The following DLG2 variants were observed in gnomAD, a reference collection of about 807,000 sequenced individuals.
DLG2 encodes discs large MAGUK scaffold protein 2, also known as disks large homolog 2.
In DLG2, 45 loss-of-function variants were observed where a neutral mutation model predicts 132.5. That is an observed-to-expected ratio of 0.34 (90% CI 0.27 to 0.44). DLG2 has a LOEUF of 0.44. Ranked by LOEUF, DLG2 falls within the 20% of genes least tolerant of loss-of-function variation. The pLI is 1.00. For synonymous variants in DLG2, 424 were observed against 419.6 expected, an observed-to-expected ratio of 1.01 and a Z score of -0.13; for missense variants, 1,045 against 1,196.9, an observed-to-expected ratio of 0.87 and a Z score of 1.87.
chr11:83,942,008 C>T (rs1380943120), intron 14 of DLG2, among the ~76,000 whole-genome samples: 3 of 152,136 alleles, frequency 2.0e-5, no homozygotes, highest in Non-Finnish European at 2.9e-5. Context: ...ACCTACAGTT[C>T]AGAAATGTTA....
At chr11:83,843,835 GC>G (rs2058092767) in intron 16 of DLG2, among the ~76,000 whole-genome samples, 1 of 152,044 alleles carries the variant, frequency 6.6e-6, no homozygotes, top group Admixed American at 6.6e-5. Flanking sequence ...ATATTGAGAT[GC>G]TATTTCCAGT....
chr11:84,349,145 T>G (rs1182511555), intron 7 of DLG2, among the ~76,000 whole-genome samples: 1 of 152,330 alleles, frequency 6.6e-6, no homozygotes, highest in African/African-American at 2.4e-5. Context: ...GTTTTAGCCA[T>G]TCCTCGTGTG....
At chr11:85,344,240 G>T (rs190005807) in intron 3 of DLG2, among the ~76,000 whole-genome samples, 1 of 152,244 alleles carries the variant, frequency 6.6e-6, no homozygotes, top group Non-Finnish European at 1.5e-5. Context: ...ATGAAAGGAA[G>T]GTCTTCTTAT....
At chr11:84,577,246 T>C (rs573472229) in intron 6 of DLG2, among the ~76,000 whole-genome samples, 1 of 152,256 alleles carries the variant, frequency 6.6e-6, no homozygotes, top group South Asian at 2.1e-4. Context: ...TGAACTAATA[T>C]GGTAAATTGG....
chr11:84,359,795 T>C (rs2098639002), intron 7 of DLG2, among the ~76,000 whole-genome samples: 1 of 151,916 alleles, frequency 6.6e-6, no homozygotes, highest in African/African-American at 2.4e-5. Context: ...TAATAGATCA[T>C]CCTACTATTA....
In DLG2 at chr11:83,965,440, G is replaced by A; in HGVS notation, c.1085C>T (p.Thr362Ile). ...MVNNYSLEEVTHEEAVAILKN... is the reference protein window; with the variant it reads ...MVNNYSLEEVIHEEAVAILKN... ...TAATATTGCTACTGCCTCTTCGTGT[G>A]TTACTTCTTCTAAACTGTAGTTGTT... The change falls in exon 13 of 28, where the codon ACA becomes ATA. Residue 362 changes from threonine (T) to isoleucine (I), a missense_variant. Physicochemically the swap from Thr to Ile is moderately conservative, Grantham distance 89. Around this residue, in one of 4 missense-constraint regions of DLG2, gnomAD observed 261 missense variants for 256.1 expected, o/e 1.02. Transcript: ENST00000376104. The A allele has an allele frequency of 6.2e-7, 1 of 1,610,696 alleles. No homozygotes were observed. Among genetic ancestry groups the A allele is most frequent in the Non-Finnish European group, 8.5e-7 (1 of 1,178,024 alleles).
intron 7 of DLG2, among the ~76,000 whole-genome samples, chr11:84,439,319 G>T (rs2099010455): frequency 6.6e-6 from 1 of 152,066 alleles, no homozygotes; most frequent in South Asian, 2.1e-4. Context: ...ATTATTGTGG[G>T]TCTTCAAATG....
chr11:84,243,328 T>A (rs1219796319), intron 8 of DLG2, among the ~76,000 whole-genome samples: 3 of 152,194 alleles, frequency 2.0e-5, no homozygotes, highest in Non-Finnish European at 4.4e-5. Flanking sequence ...TATAACTACT[T>A]TTTTGGAAAG....
intron 11 of DLG2, among the ~76,000 whole-genome samples, chr11:84,021,622 A>G (rs1008266678): frequency 2.6e-5 from 4 of 152,240 alleles, no homozygotes; most frequent in Non-Finnish European, 4.4e-5. Flanking sequence ...AGGTAGAGAA[A>G]GAAATCACTG....
intron 7 of DLG2, among the ~76,000 whole-genome samples, chr11:84,360,622 T>A: frequency 6.6e-6 from 1 of 152,026 alleles, no homozygotes; most frequent in African/African-American, 2.4e-5. Context: ...GTTTCTCCAA[T>A]GCACTGAAGA....
intron 7 of DLG2, among the ~76,000 whole-genome samples, chr11:84,416,572 C>T (rs932321652): frequency 4.6e-5 from 7 of 152,146 alleles, no homozygotes; most frequent in East Asian, 3.9e-4. Context: ...TATCACCTAA[C>T]GATTAAAAAC....
rs964032227 is a variant in DLG2, at chr11:84,567,196, A to C, written c.358-32465T>G. Among the ~76,000 whole-genome samples, 3 of 152,282 alleles carry C rather than the reference A, an allele frequency of 2.0e-5. No individual in the cohort carries two copies. In the East Asian group the frequency reaches 5.8e-4, roughly 29 times the overall value. ...GAAAGAATAGAAAGGAAGAATGGAA[A>C]AAATGCATAAAAGGAAGGTATTGAA... On this transcript the variant is annotated intron_variant, in intron 6 of 27. Transcript: ENST00000376104.
At chr11:84,909,100 T>C (rs535178919) in intron 6 of DLG2, among the ~76,000 whole-genome samples, 11 of 152,218 alleles carry the variant, frequency 7.2e-5, no homozygotes, top group African/African-American at 2.6e-4. Flanking sequence ...ATTTCTTTTC[T>C]CGTCTTTGAA....
chr11:83,911,227 G>A (rs1218020171), intron 15 of DLG2, among the ~76,000 whole-genome samples: 1 of 152,050 alleles, frequency 6.6e-6, no homozygotes, highest in Non-Finnish European at 1.5e-5. Flanking sequence ...GAAGGAACAG[G>A]GGAATGAAGC....
chr11:84,150,360 G>T (rs1046298218), intron 9 of DLG2, among the ~76,000 whole-genome samples: 2 of 151,958 alleles, frequency 1.3e-5, no homozygotes, highest in African/African-American at 2.4e-5. Flanking sequence ...TTGTTATTTG[G>T]CTCTCAGCTT....
intron 9 of DLG2, among the ~76,000 whole-genome samples, chr11:84,112,934 G>A (rs1252060856): frequency 6.6e-6 from 1 of 152,094 alleles, no homozygotes; most frequent in Admixed American, 6.5e-5. Context: ...CAGAACAAAC[G>A]GAACAATAAT....
intron 19 of DLG2, chr11:83,631,944 A>G (rs1224976558): frequency 6.6e-6 from 1 of 152,196 alleles, no homozygotes; most frequent in Non-Finnish European, 1.5e-5. Flanking sequence ...ACTTTCCATC[A>G]TATTTGTAAT....
intron 6 of DLG2, among the ~76,000 whole-genome samples, chr11:84,667,654 G>A (rs1235130263): frequency 1.3e-5 from 2 of 150,696 alleles, no homozygotes; most frequent in African/African-American, 4.9e-5. Flanking sequence ...CCACCACCAC[G>A]CCTAGCTAAT....
chr11:84,290,258 C>T (rs552509967), intron 7 of DLG2, among the ~76,000 whole-genome samples: 7 of 152,178 alleles, frequency 4.6e-5, no homozygotes, highest in South Asian at 2.1e-4. Context: ...TTCACATAGG[C>T]GCCTTTTAGA....
Sources: allele counts gnomAD v4.1 joint callset (sites outside exome capture counted in the v4.1 genomes callset), GRCh38; gene constraint gnomAD v4.1.1; regional missense constraint gnomAD v4.1.1; transcripts MANE v1.5; gene names NCBI Gene and HGNC (gene_info 2026-07-23, HGNC 2026-07-21).